HDAC4: variants seen among roughly 807,000 people sequenced by gnomAD.
HDAC4 encodes the protein histone deacetylase 4, also known as histone deacetylase A.
In HDAC4, 16 loss-of-function variants were observed where a neutral mutation model predicts 135.1. That is an observed-to-expected ratio of 0.12 (90% CI 0.08 to 0.18). The LOEUF is 0.18. Ranked by LOEUF, HDAC4 falls within the 10% of genes least tolerant of loss-of-function variation. The pLI is 1.00. For missense variants in HDAC4, 1,143 were observed against 1,511.8 expected (o/e 0.76, Z 4.05); for synonymous variants, 685 against 653.4 (o/e 1.05, Z -0.74).
intron 2 of HDAC4, among the ~76,000 whole-genome samples, chr2:239,339,662 C>T (rs1391612464): frequency 6.6e-6 from 1 of 152,204 alleles, no homozygotes; most frequent in Non-Finnish European, 1.5e-5. Context: ...ATGTGGCCCG[C>T]GGCCCCCTGC....
intron 6 of HDAC4, chr2:239,162,411 T>C (rs1233683713): frequency 4.5e-6 from 2 of 448,466 alleles, no homozygotes; most frequent in Non-Finnish European, 9.0e-6. Context: ...CGATCCACAC[T>C]CCTGTCCCTT....
chr2:239,374,267 A>C (rs1694832862), intron 1 of HDAC4, among the ~76,000 whole-genome samples: 1 of 152,186 alleles, frequency 6.6e-6, no homozygotes, highest in African/African-American at 2.4e-5. Flanking sequence ...CATTCACAGG[A>C]ATCCCACCAA....
intron 1 of HDAC4, among the ~76,000 whole-genome samples, chr2:239,385,105 C>G (rs531283310): frequency 6.6e-6 from 1 of 152,324 alleles, no homozygotes; most frequent in East Asian, 1.9e-4. Flanking sequence ...AGAAGGGCAC[C>G]TTGCTTCCCG....
At chr2:239,273,716 C>T (rs1291537529) in intron 2 of HDAC4, among the ~76,000 whole-genome samples, 2 of 152,220 alleles carry the variant, frequency 1.3e-5, no homozygotes, top group East Asian at 1.9e-4. Context: ...CACATGGACA[C>T]AGGCAGTGAG....
intron 12 of HDAC4, among the ~76,000 whole-genome samples, chr2:239,124,736 T>TGGCGTGCGGCC (rs2040016181): frequency 3.5e-4 from 6 of 16,918 alleles, no homozygotes; most frequent in East Asian, 2.7e-3. Flanking sequence ...GGCGTGTGGC[T>TGGCGTGCGGCC]GCGTTATATG....
Position 239,352,535 on chromosome 2 carries a change from T to C in HDAC4, c.22+143A>G. ...AAGAATAAACCATCCATTTTGCACTTTGTGCTGTCAAAAACCAACAGTGAC... is the reference window on the plus strand; with the variant it reads ...AAGAATAAACCATCCATTTTGCACTCTGTGCTGTCAAAAACCAACAGTGAC... On this transcript the variant is annotated intron_variant, in intron 2 of 26. Coordinates refer to ENST00000543185, the MANE Select transcript of HDAC4 (RefSeq NM_001378414.1). The surrounding 1 kb of genome is among the most constrained non-coding windows in gnomAD (Gnocchi z 4.4). 5.2e-6 allele frequency: 4 copies of C among 763,246 alleles called. No homozygotes were observed. The highest frequency in any genetic ancestry group is 6.8e-6 in the Non-Finnish European group (3 of 438,552). The allele number at this position is 763,246 out of a possible 1,614,324, so 47.3% of individuals were successfully genotyped here. A position where few individuals can be genotyped will look rare whatever the true frequency, so the allele number is the denominator to read the frequency against.
At chr2:239,132,254 C>T (rs998525029) in intron 11 of HDAC4, among the ~76,000 whole-genome samples, 2 of 152,228 alleles carry the variant, frequency 1.3e-5, no homozygotes, top group Non-Finnish European at 2.9e-5. Flanking sequence ...GAAAACAAGG[C>T]ACACAGAGCA....
At chr2:239,266,957 A>C (rs1236398009) in intron 2 of HDAC4, among the ~76,000 whole-genome samples, 2 of 152,118 alleles carry the variant, frequency 1.3e-5, no homozygotes, top group African/African-American at 4.8e-5. Flanking sequence ...ACAGGGGACA[A>C]GGCAGGGCTA....
intron 2 of HDAC4, among the ~76,000 whole-genome samples, chr2:239,329,183 G>A (rs1159851814): frequency 6.7e-6 from 1 of 149,292 alleles, no homozygotes; most frequent in African/African-American, 2.5e-5. Flanking sequence ...AGCCGATCCT[G>A]GGCTAGCCCA....
chr2:239,303,260 T>G lies in HDAC4; in HGVS notation c.22+49418A>C, dbSNP rs2052376306. 6.6e-6 allele frequency among the ~76,000 whole-genome samples: 1 copy of G among 152,236 alleles called. No homozygotes were observed. Among genetic ancestry groups the G allele is most frequent in the Non-Finnish European group, 1.5e-5 (1 of 68,038 alleles). Reference sequence around the variant, plus strand: ...GGCCTGGAGGACAAGGTCCCTGGAATCCCCGACAGCTTGACAATGTGAAAT... The same window carrying G: ...GGCCTGGAGGACAAGGTCCCTGGAAGCCCCGACAGCTTGACAATGTGAAAT... On this transcript the variant is annotated intron_variant, in intron 2 of 26. Coordinates refer to ENST00000543185, the MANE Select transcript of HDAC4 (RefSeq NM_001378414.1). This position sits in a 1 kb window ranked among gnomAD's most constrained non-coding sequence, Gnocchi z 5.1.
chr2:239,371,564 C>T (rs1694619957), intron 1 of HDAC4, among the ~76,000 whole-genome samples: 1 of 152,092 alleles, frequency 6.6e-6, no homozygotes, highest in African/African-American at 2.4e-5. Context: ...CACTCATGCT[C>T]ACAGTGTAAC....
intron 16 of HDAC4, among the ~76,000 whole-genome samples, chr2:239,100,500 A>G (rs1475868328): frequency 6.6e-6 from 1 of 152,144 alleles, no homozygotes. Context: ...CAGCTGGGTT[A>G]GTGCCTCACA....
At chr2:239,058,109 T>C (rs1266405520) in intron 24 of HDAC4, among the ~76,000 whole-genome samples, 1 of 152,252 alleles carries the variant, frequency 6.6e-6, no homozygotes, top group Non-Finnish European at 1.5e-5. Context: ...CTGTGTCTAC[T>C]CTGGCACCCT....
At chr2:239,248,171 T>C (rs2048574619) in intron 2 of HDAC4, among the ~76,000 whole-genome samples, 1 of 151,308 alleles carries the variant, frequency 6.6e-6, no homozygotes, top group Admixed American at 6.6e-5. Context: ...TTGAAAGACT[T>C]ACTCCTCTTG....
chr2:239,384,361 C>T (rs1370861472), intron 1 of HDAC4, among the ~76,000 whole-genome samples: 1 of 151,664 alleles, frequency 6.6e-6, no homozygotes, highest in African/African-American at 2.4e-5. Context: ...CACCTGTAAT[C>T]CCAGAACTTT....
At chr2:239,187,170 G>C (rs645357) in intron 4 of HDAC4, 129,320 of 152,604 alleles carry the variant, frequency 0.85, 54,987 homozygotes, top group South Asian at 0.96. Context: ...CCTGCAGGAA[G>C]GCAGGGAAGC....
chr2:239,073,990 CGCAGGACTGAGGGGGGCA>C lies in HDAC4; in HGVS notation c.2751-5401_2751-5384del, dbSNP rs1317283305. 1.6e-3 allele frequency among the ~76,000 whole-genome samples: 236 copies of C among 147,598 alleles called. 1 individual carries two copies. The highest frequency in any genetic ancestry group is 5.6e-3 in the African/African-American group (225 of 39,886). On this transcript the variant is annotated intron_variant, in intron 22 of 26. Coordinates refer to ENST00000543185, the MANE Select transcript of HDAC4 (RefSeq NM_001378414.1). ...AGGGGGGCCGCAGGACTGAGGGGGCCGCAGGACTGAGGGGGGCAGCAGGACTGAGGGGAGCAGCAGGAC... is the reference window on the plus strand; with the variant it reads ...AGGGGGGCCGCAGGACTGAGGGGGCCGCAGGACTGAGGGGAGCAGCAGGAC...
At chr2:239,338,876 C>T (rs562666653) in intron 2 of HDAC4, among the ~76,000 whole-genome samples, 12 of 152,196 alleles carry the variant, frequency 7.9e-5, no homozygotes, top group African/African-American at 2.7e-4. Context: ...CAGGCTCCCC[C>T]CAAGGCTGAG....
chr2:239,123,384 G>C (rs933021234), intron 12 of HDAC4, among the ~76,000 whole-genome samples: 1 of 152,142 alleles, frequency 6.6e-6, no homozygotes, highest in African/African-American at 2.4e-5. Flanking sequence ...GGGCTTGGGG[G>C]TGGAGGGGCA....
Sources: allele counts gnomAD v4.1 joint callset (sites outside exome capture counted in the v4.1 genomes callset), GRCh38; gene constraint gnomAD v4.1.1; non-coding constraint Gnocchi (gnomAD v3.1); transcripts MANE v1.5; gene names NCBI Gene and HGNC (gene_info 2026-07-23, HGNC 2026-07-21).